Variants in ASPH observed in about 807,000 individuals in gnomAD.
ASPH encodes aspartate beta-hydroxylase, also known as aspartyl/asparaginyl beta-hydroxylase.
ASPH carries 100 observed loss-of-function variants against 118.4 expected under a neutral mutation model. The ratio of observed to expected loss-of-function variants is 0.84; its 90% CI spans 0.72 to 1.00. The LOEUF is 1.00. Among genes scored for constraint, ASPH ranks in the 50% least tolerant of loss-of-function variants. The pLI is 0.00. For missense variants in ASPH, 920 were observed against 919.5 expected, an observed-to-expected ratio of 1.00 and a Z score of -0.01; for synonymous variants, 315 against 325.6, an observed-to-expected ratio of 0.97 and a Z score of 0.35.
chr8:61,617,039 C>T (rs985763058), intron 14 of ASPH, among the ~76,000 whole-genome samples: 3 of 152,212 alleles, frequency 2.0e-5, no homozygotes, highest in Non-Finnish European at 4.4e-5. Flanking sequence ...GATTATTACA[C>T]ATCCAACACA....
rs572309392 is a variant in ASPH at position 61,633,996 on chromosome 8, G to A, written c.890-269C>T. Among the ~76,000 whole-genome samples the A allele has an allele frequency of 7.9e-5, 12 of 152,284 alleles. No homozygotes were observed. In the East Asian group the frequency reaches 2.1e-3, roughly 27 times the overall value. ...CCTCAAACTCCACTGCCCAGCAAAG[G>A]AGCTATGGACTAAAACTTATGCTTT... On this transcript the variant is annotated intron_variant, in intron 12 of 24. Coordinates refer to ENST00000379454, the MANE Select transcript of ASPH (RefSeq NM_004318.4).
chr8:61,600,484 A>C (rs1843676318), intron 14 of ASPH, among the ~76,000 whole-genome samples: 1 of 151,414 alleles, frequency 6.6e-6, no homozygotes. Flanking sequence ...AAAAATCTAA[A>C]GACTCTACCA....
intron 3 of ASPH, chr8:61,656,088 C>T (rs1813521803): frequency 6.6e-6 from 1 of 152,022 alleles, no homozygotes; most frequent in Non-Finnish European, 1.5e-5. Flanking sequence ...GAAAATGAAT[C>T]AAGAAAAGTA....
chr8:61,621,081 C>T (rs1163524835), intron 13 of ASPH, among the ~76,000 whole-genome samples: 1 of 152,168 alleles, frequency 6.6e-6, no homozygotes, highest in African/African-American at 2.4e-5. Flanking sequence ...CACCATCTTT[C>T]TTCAACTTCC....
At chr8:61,649,612 C>G (rs1016881962) in intron 5 of ASPH, among the ~76,000 whole-genome samples, 4 of 152,142 alleles carry the variant, frequency 2.6e-5, no homozygotes, top group Non-Finnish European at 4.4e-5. Flanking sequence ...GGCCAGAACA[C>G]GGTGCTAGAC....
At chr8:61,710,839 G>T (rs1413790549) in intron 1 of ASPH, among the ~76,000 whole-genome samples, 1 of 152,136 alleles carries the variant, frequency 6.6e-6, no homozygotes, top group East Asian at 1.9e-4. Context: ...TAATCTAAGA[G>T]ACACTCAAAG....
intron 8 of ASPH, 68 bp from the exon 9 acceptor site, chr8:61,643,501 G>A (rs1806289164): frequency 7.0e-7 from 1 of 1,427,610 alleles, no homozygotes; most frequent in Non-Finnish European, 9.6e-7. Flanking sequence ...AGCATTCTAG[G>A]AGATTCATAA....
chr8:61,576,306 G>A (rs1835118427), intron 16 of ASPH, among the ~76,000 whole-genome samples: 1 of 152,216 alleles, frequency 6.6e-6, no homozygotes, highest in East Asian at 1.9e-4. Context: ...GGAGACGGTG[G>A]GAGATGAGGA....
chr8:61,669,758 T>C (rs1467442230), intron 3 of ASPH, among the ~76,000 whole-genome samples: 2 of 152,160 alleles, frequency 1.3e-5, no homozygotes, highest in Non-Finnish European at 2.9e-5. Context: ...CAGATTTTCC[T>C]ATTAAAACGT....
Position 61,714,328 on chromosome 8 carries a change from C to A in ASPH, c.44G>T (p.Ser15Ile). The change falls in exon 1 of 25, where the codon AGC (serine) becomes ATC (isoleucine). Residue 15 changes from serine (S) to isoleucine (I), a missense_variant. By Grantham distance (142) the Ser-to-Ile change is moderately radical. Coordinates refer to ENST00000379454, the MANE Select transcript of ASPH (RefSeq NM_004318.4). ...KNAKSSGNSS[S>I]SGSGSGSTSA... ...CGTGCTACCGCTGCCGGAGCCGCTGCTGCTGCTGTTGCCGCTGCTCTTGGC... is the reference window on the plus strand; with the variant it reads ...CGTGCTACCGCTGCCGGAGCCGCTGATGCTGCTGTTGCCGCTGCTCTTGGC... 1 of 1,518,892 alleles carries A rather than the reference C, an allele frequency of 6.6e-7. No individual in the cohort carries two copies. The highest frequency in any genetic ancestry group is 1.4e-5 in the African/African-American group (1 of 69,510). The allele number at this position is 1,518,892 out of a possible 1,614,324, so 94.1% of individuals were successfully genotyped here. A position where few individuals can be genotyped will look rare whatever the true frequency, so the allele number is the denominator to read the frequency against.
At chr8:61,706,235 C>T (rs1327473700) in intron 1 of ASPH, among the ~76,000 whole-genome samples, 1 of 150,608 alleles carries the variant, frequency 6.6e-6, no homozygotes, top group Non-Finnish European at 1.5e-5. Flanking sequence ...GCAGACAGGC[C>T]AACACGGCAA....
intron 3 of ASPH, chr8:61,663,709 G>T (rs192378057): frequency 1.0e-6 from 1 of 976,252 alleles, no homozygotes; most frequent in East Asian, 1.1e-4. Context: ...AATATCTTCA[G>T]GCCTTAATTT....
chr8:61,713,508 C>A (rs553226391), intron 1 of ASPH, among the ~76,000 whole-genome samples: 10 of 152,138 alleles, frequency 6.6e-5, no homozygotes, highest in African/African-American at 2.4e-4. Flanking sequence ...TTTCAATATC[C>A]CAAATATGAG....
At chr8:61,538,204 A>T (rs953946862) in intron 21 of ASPH, among the ~76,000 whole-genome samples, 1 of 152,250 alleles carries the variant, frequency 6.6e-6, no homozygotes, top group Non-Finnish European at 1.5e-5. Context: ...AGCTGACAGC[A>T]AAACAAATCT....
intron 5 of ASPH, among the ~76,000 whole-genome samples, chr8:61,649,137 G>A (rs564432907): frequency 6.6e-6 from 1 of 152,262 alleles, no homozygotes; most frequent in South Asian, 2.1e-4. Context: ...ATGCTACTGT[G>A]CTACTGCAAC....
intron 14 of ASPH, among the ~76,000 whole-genome samples, chr8:61,595,345 T>C (rs1457939203): frequency 6.6e-6 from 1 of 152,202 alleles, no homozygotes; most frequent in Admixed American, 6.5e-5. Context: ...TTCTGATGTA[T>C]TACCCAATAG....
chr8:61,556,670 A>C (rs1827987010), intron 18 of ASPH, among the ~76,000 whole-genome samples: 1 of 152,260 alleles, frequency 6.6e-6, no homozygotes, highest in Non-Finnish European at 1.5e-5. Flanking sequence ...AAATTATGCA[A>C]AGTGCCTCTA....
At chr8:61,535,850 C>T (rs4545094) in intron 21 of ASPH, among the ~76,000 whole-genome samples, 144,743 of 152,236 alleles carry the variant, frequency 0.95, 68,836 homozygotes, top group East Asian at 1. Flanking sequence ...GGTGCTGAGA[C>T]GAGGTTATTA....
chr8:61,506,741 T>A (rs1182092017), intron 24 of ASPH, among the ~76,000 whole-genome samples: 1 of 151,910 alleles, frequency 6.6e-6, no homozygotes, highest in Admixed American at 6.6e-5. Context: ...GACAGAAAAA[T>A]GAAAATATAA....
Sources: allele counts gnomAD v4.1 joint callset (sites outside exome capture counted in the v4.1 genomes callset), GRCh38; gene constraint gnomAD v4.1.1; transcripts MANE v1.5; gene names NCBI Gene and HGNC (gene_info 2026-07-23, HGNC 2026-07-21).